Variants in RBM38 observed in about 807,000 individuals in gnomAD.
RBM38 encodes the protein RNA binding motif protein 38, also known as RNA-binding protein 38.
Under a neutral mutation model 23.5 loss-of-function variants are expected in RBM38, and 11 were observed. The ratio of observed to expected loss-of-function variants is 0.47; its 90% CI spans 0.29 to 0.77. The LOEUF is 0.77. Ranked by LOEUF, RBM38 falls within the 30% of genes least tolerant of loss-of-function variation. The probability of loss-of-function intolerance (pLI) is 0.08; values close to 1 mark genes in which losing one functional copy is unlikely to be tolerated. For missense variants in RBM38, 330 were observed against 351.9 expected (o/e 0.94, Z 0.50); for synonymous variants, 165 against 166.1 (o/e 0.99, Z 0.05).
intron 3 of RBM38, among the ~76,000 whole-genome samples, chr20:57,403,818 C>T (rs567105040): frequency 1.5e-4 from 23 of 152,298 alleles, no homozygotes; most frequent in Non-Finnish European, 2.6e-4. Context: ...AATAGGGCTT[C>T]GCCATGTTGG....
At chr20:57,399,065 G>A (rs1199996056) in intron 3 of RBM38, among the ~76,000 whole-genome samples, 2 of 152,204 alleles carry the variant, frequency 1.3e-5, no homozygotes, top group Non-Finnish European at 2.9e-5. Flanking sequence ...AGTGCTTTCT[G>A]CAGCGAGGTG....
At position 57,402,343 on chromosome 20, in the gene RBM38, G is replaced by A. The variant is rs577556058; in HGVS notation, c.417-5200G>A. Among the ~76,000 whole-genome samples, 499 of 152,322 alleles carry A rather than the reference G, an allele frequency of 3.3e-3. 2 individuals carry two copies. The highest frequency in any genetic ancestry group is 5.6e-3 in the Non-Finnish European group (379 of 68,022). ...CGCCACTGCGCCCGCCTGGAGAGTC[G>A]GTGATGAAGGAGAGGGAGGATCGGA... On this transcript the variant is annotated intron_variant, in intron 3 of 3. Coordinates refer to ENST00000356208, the MANE Select transcript of RBM38 (RefSeq NM_017495.6).
Position 57,391,629 on chromosome 20 carries a change from G to T in RBM38, c.48G>T (p.Arg16=). 5.5e-6 allele frequency: 8 copies of T among 1,455,048 alleles called. No individual in the cohort carries two copies. The highest frequency in any genetic ancestry group is 7.3e-6 in the Non-Finnish European group (8 of 1,094,846). 90.1% of individuals were successfully genotyped at this position (1,455,048 alleles called of 1,614,324 possible). A position where few individuals can be genotyped will look rare whatever the true frequency, so the allele number is the denominator to read the frequency against. Residue 16 remains arginine (R), a synonymous_variant, in exon 1 of 4, where the codon CGG becomes CGT. Transcript: ENST00000356208. ...APCAPSAGFP[R]PLAAPGAMHG... ...GCGCCCCGAGCGCGGGCTTCCCGCG[G>T]CCCCTGGCCGCCCCCGGCGCCATGC...
In RBM38 at chr20:57,407,116, A is replaced by G. The variant is rs1295152412; in HGVS notation, c.417-427A>G. ...TGAGTGTCAGGGAGATGAGCAGGGA[A>G]GGGGGACAGGGCTGGCCTCCCAGAC... is the stretch of plus-strand genomic sequence containing the variant. On this transcript the variant is annotated intron_variant, in intron 3 of 3. Coordinates refer to ENST00000356208, the MANE Select transcript of RBM38 (RefSeq NM_017495.6). This position sits in a 1 kb window ranked among gnomAD's most constrained non-coding sequence, Gnocchi z 4.0. Among the ~76,000 whole-genome samples the G allele has an allele frequency of 6.6e-6, 1 of 152,102 alleles. No individual in the cohort carries two copies. The highest frequency in any genetic ancestry group is 1.5e-5 in the Non-Finnish European group (1 of 68,008).
intron 3 of RBM38, among the ~76,000 whole-genome samples, chr20:57,394,536 G>A (rs780087640): frequency 6.6e-6 from 1 of 152,196 alleles, no homozygotes; most frequent in Non-Finnish European, 1.5e-5. Context: ...TAGCCTGTGC[G>A]AGTGGCCGGG....
chr20:57,403,276 A>C (rs2067347867), intron 3 of RBM38, among the ~76,000 whole-genome samples: 1 of 152,190 alleles, frequency 6.6e-6, no homozygotes, highest in Non-Finnish European at 1.5e-5. Flanking sequence ...GCGCCTTGGA[A>C]GTTTTGAAAC....
chr20:57,401,053 C>T (rs996235398), intron 3 of RBM38, among the ~76,000 whole-genome samples: 1 of 152,202 alleles, frequency 6.6e-6, no homozygotes, highest in Non-Finnish European at 1.5e-5. Flanking sequence ...TTGGGTCCCC[C>T]GACCTTTGGG....
chr20:57,391,608 CCCGAGCGCG>C lies in RBM38; in HGVS notation c.28_36del (p.Pro10_Ala12del). ...TGCTGCTGCAGCCCGCGCCGTGCGC[CCCGAGCGCG>C]GGCTTCCCGCGGCCCCTGGCCGCCC... is the stretch of plus-strand genomic sequence containing the variant. On this transcript the variant is annotated inframe_deletion, in exon 1 of 4. Transcript: ENST00000356208. 7.1e-7 allele frequency: 1 copy of C among 1,408,810 alleles called. No individual in the cohort carries two copies. The highest frequency in any genetic ancestry group is 9.3e-7 in the Non-Finnish European group (1 of 1,070,152). 87.3% of individuals were successfully genotyped at this position (1,408,810 alleles called of 1,614,324 possible).
At position 57,407,977 on chromosome 20, in the gene RBM38, C is replaced by T. The variant is rs1248071708; in HGVS notation, c.*131C>T. 3.5e-6 allele frequency: 4 copies of T among 1,152,266 alleles called. No homozygotes were observed. Among genetic ancestry groups the T allele is most frequent in the East Asian group, 2.6e-5 (1 of 38,726 alleles). 71.4% of individuals were successfully genotyped at this position (1,152,266 alleles called of 1,614,324 possible). On this transcript the variant is annotated 3_prime_UTR_variant, in exon 4 of 4. Coordinates refer to ENST00000356208, the MANE Select transcript of RBM38 (RefSeq NM_017495.6). This position sits in a 1 kb window ranked among gnomAD's most constrained non-coding sequence, Gnocchi z 4.0. ...CACCAGCACCCGTGCCTCCGAAGAC[C>T]GCTCGGGCATTCCGCCTGCGCCCTG...
intron 3 of RBM38, among the ~76,000 whole-genome samples, chr20:57,393,676 C>T (rs1464397086): frequency 1.3e-5 from 2 of 152,216 alleles, no homozygotes; most frequent in East Asian, 3.8e-4. Context: ...GCAGGTAACG[C>T]CCTCTTGAAG....
At chr20:57,406,862 C>T (rs188155485) in intron 3 of RBM38, among the ~76,000 whole-genome samples, 41 of 152,156 alleles carry the variant, frequency 2.7e-4, no homozygotes, top group Non-Finnish European at 4.3e-4. Context: ...AGCGTGGTGG[C>T]GGGCACCTGT....
chr20:57,393,380 G>A (rs1182515472), intron 3 of RBM38, 47 bp downstream of exon 3: 8 of 1,584,620 alleles, frequency 5.0e-6, no homozygotes, highest in Non-Finnish European at 6.9e-6. Context: ...TGGAGATGAA[G>A]TGGAGAGGGC....
At chr20:57,400,153 C>T (rs1390584290) in intron 3 of RBM38, among the ~76,000 whole-genome samples, 5 of 152,142 alleles carry the variant, frequency 3.3e-5, no homozygotes, top group African/African-American at 7.2e-5. Flanking sequence ...GAAACAGAGG[C>T]CGGAGGGGCT....
chr20:57,398,545 G>GC (rs576478102), intron 3 of RBM38, among the ~76,000 whole-genome samples: 122 of 144,908 alleles, frequency 8.4e-4, no homozygotes, highest in South Asian at 8.3e-3. Flanking sequence ...TGGCCCCGCC[G>GC]CCCCCCTGCC....
intron 1 of RBM38, chr20:57,392,382 G>C (rs2067228742): frequency 1.3e-6 from 2 of 1,495,468 alleles, no homozygotes; most frequent in African/African-American, 2.8e-5. Context: ...GTTCATTTTT[G>C]CCCTATCCCC....
At chr20:57,402,063 T>C (rs746013783) in intron 3 of RBM38, among the ~76,000 whole-genome samples, 26 of 152,168 alleles carry the variant, frequency 1.7e-4, no homozygotes, top group Non-Finnish European at 3.1e-4. Flanking sequence ...TTCTCCTGCC[T>C]CGGCCTCCTG....
intron 1 of RBM38, among the ~76,000 whole-genome samples, chr20:57,392,067 C>G (rs1051999695): frequency 7.0e-6 from 1 of 142,124 alleles, no homozygotes; most frequent in Non-Finnish European, 1.5e-5. Flanking sequence ...GGAAGAGCCG[C>G]TGTGTTCAAT....
chr20:57,408,121 G>C lies in RBM38; in HGVS notation c.*275G>C, dbSNP rs2067407343. ...CCCAGGTTCCTTGCACACCATGGCA[G>C]CCTCTCCTTGCACCTTCTCCTGCCT... On this transcript the variant is annotated 3_prime_UTR_variant, in exon 4 of 4. Transcript: ENST00000356208. 1.9e-6 allele frequency: 1 copy of C among 516,948 alleles called. No individual in the cohort carries two copies. 32.0% of individuals were successfully genotyped at this position (516,948 alleles called of 1,614,324 possible).
At chr20:57,400,596 C>T (rs1383900224) in intron 3 of RBM38, among the ~76,000 whole-genome samples, 1 of 152,122 alleles carries the variant, frequency 6.6e-6, no homozygotes, top group African/African-American at 2.4e-5. Flanking sequence ...GGTGCCTGTG[C>T]CCAGTGTCCA....
Sources: allele counts gnomAD v4.1 joint callset (sites outside exome capture counted in the v4.1 genomes callset), GRCh38; gene constraint gnomAD v4.1.1; non-coding constraint Gnocchi (gnomAD v3.1); transcripts MANE v1.5; gene names NCBI Gene and HGNC (gene_info 2026-07-23, HGNC 2026-07-21).